The following DMD variants were observed in gnomAD, a reference collection of about 807,000 sequenced individuals.
DMD encodes the protein mutant dystrophin.
In DMD, 63 loss-of-function variants were observed where a neutral mutation model predicts 330.1. The observed-to-expected ratio is 0.19, with a 90% CI of 0.16 to 0.24. The LOEUF (loss-of-function observed/expected upper bound fraction) is 0.24. Among genes scored for constraint, DMD ranks in the 10% least tolerant of loss-of-function variants. The pLI is 1.00. For synonymous variants in DMD, 1,223 were observed against 959.8 expected (o/e 1.27, Z -5.07); for missense variants, 3,344 against 2,684.1 (o/e 1.25, Z -5.43).
intron 29 of DMD, among the ~76,000 whole-genome samples, chrX:32,414,193 T>C (rs1266667331): frequency 9.0e-6 from 1 of 111,690 alleles, no homozygotes; most frequent in African/African-American, 3.3e-5. Context: ...TGGCATAATC[T>C]CAATTCTGAC....
intron 1 of DMD, among the ~76,000 whole-genome samples, chrX:33,204,230 A>C (rs2051439930): frequency 8.9e-6 from 1 of 111,881 alleles, no homozygotes; most frequent in Non-Finnish European, 1.9e-5. Flanking sequence ...ATAAAGAGAA[A>C]AATAATTTCT....
chrX:32,539,202 G>A (rs746985783), intron 17 of DMD, among the ~76,000 whole-genome samples: 14 of 99,227 alleles, frequency 1.4e-4, no homozygotes, highest in African/African-American at 4.8e-4. Context: ...AAAAAATAGT[G>A]TCTAAAGCGA....
intron 1 of DMD, among the ~76,000 whole-genome samples, chrX:33,119,390 A>G (rs2095409786): frequency 8.9e-6 from 1 of 112,459 alleles, no homozygotes; most frequent in Non-Finnish European, 1.9e-5. Context: ...ATCCACCATC[A>G]ACTGAACCAT....
intron 61 of DMD, among the ~76,000 whole-genome samples, chrX:31,330,901 A>G (rs1025846855): frequency 8.9e-6 from 1 of 112,172 alleles, no homozygotes; most frequent in Non-Finnish European, 1.9e-5. Flanking sequence ...GTTAAATTTA[A>G]CACTTTTCAA....
At position 32,624,180 on chromosome X, in the gene DMD, T is replaced by C. The variant is rs779766536; in HGVS notation, c.1332-9727A>G. 5.3e-5 allele frequency among the ~76,000 whole-genome samples: 6 copies of C among 112,234 alleles called. No homozygotes were observed. In the East Asian group the frequency reaches 1.7e-3, roughly 32 times the overall value. On this transcript the variant is annotated intron_variant, in intron 11 of 78. Coordinates refer to ENST00000357033, the MANE Select transcript of DMD (RefSeq NM_004006.3). ...ATGTTTGCATTTTTCCAGGTTTCAT[T>C]TTATATCCTTCAAGTCGTCATTTAG...
chrX:31,256,239 T>G (rs2049946199), intron 63 of DMD, among the ~76,000 whole-genome samples: 1 of 112,426 alleles, frequency 8.9e-6, no homozygotes, highest in Admixed American at 9.4e-5. Context: ...TGATTTCCAG[T>G]TGCTTTTAGT....
chrX:32,715,749 C>G (rs2065655256), intron 7 of DMD, among the ~76,000 whole-genome samples: 1 of 110,628 alleles, frequency 9.0e-6, no homozygotes, highest in Non-Finnish European at 1.9e-5. Context: ...TGCAGTGAGC[C>G]ACTGCACTCC....
At chrX:33,104,256 A>G (rs2095266247) in intron 1 of DMD, among the ~76,000 whole-genome samples, 1 of 111,937 alleles carries the variant, frequency 8.9e-6, no homozygotes, top group Non-Finnish European at 1.9e-5. Flanking sequence ...ACGTTTTAAA[A>G]TAATAATGTA....
At position 32,614,363 on chromosome X, in the gene DMD, C is replaced by A. The variant is rs1602169021; in HGVS notation, c.1422G>T (p.Met474Ile). 2.5e-6 allele frequency: 3 copies of A among 1,208,253 alleles called. No homozygotes were observed. Among genetic ancestry groups the A allele is most frequent in the Non-Finnish European group, 3.4e-6 (3 of 893,519 alleles). The part of the protein sequence containing the change: ...LTKTEERTRK[M>I]EEEPLGPDLE... ...GATCAGGTCCAAGAGGCTCTTCCTC[C>A]ATTTTCCTTGTTCTTTCTTCTGTTT... is the stretch of plus-strand genomic sequence containing the variant. Residue 474 changes from methionine to isoleucine, a missense_variant, in exon 12 of 79, where the codon ATG (methionine) becomes ATT (isoleucine). By Grantham distance (10) the Met-to-Ile change is conservative. Transcript: ENST00000357033.
intron 7 of DMD, among the ~76,000 whole-genome samples, chrX:32,752,861 T>C (rs1290560553): frequency 9.0e-6 from 1 of 110,612 alleles, no homozygotes. Context: ...AAGCTTTCTT[T>C]GCCCTCTGTC....
intron 13 of DMD, among the ~76,000 whole-genome samples, chrX:32,593,237 T>C (rs2055137530): frequency 1.8e-5 from 2 of 112,436 alleles, no homozygotes; most frequent in Non-Finnish European, 3.8e-5. Flanking sequence ...CTTTATCCAT[T>C]TTCCTCCAAT....
In DMD at chrX:32,468,697, G is replaced by A; in HGVS notation, c.2963C>T (p.Ser988Phe). The change falls in exon 23 of 79, where the codon TCT becomes TTT. Residue 988 changes from serine (S) to phenylalanine (F), a missense_variant. By Grantham distance (155) the Ser-to-Phe change is radical. Transcript: ENST00000357033. ...TAGGCCACTTTGTTGCTCTTGCAGA[G>A]AACTTTGTAAAGCCTAAAAAACAAT... Reference protein sequence around the residue: ...RLGELQALQSSLQEQQSGLYY... With the variant: ...RLGELQALQSFLQEQQSGLYY... 1 of 1,209,690 alleles carries A rather than the reference G, an allele frequency of 8.3e-7. No homozygotes were observed. Among genetic ancestry groups the A allele is most frequent in the Non-Finnish European group, 1.1e-6 (1 of 894,292 alleles).
At chrX:32,603,060 T>C (rs148706226) in intron 12 of DMD, among the ~76,000 whole-genome samples, 182 of 111,395 alleles carry the variant, frequency 1.6e-3, no homozygotes, top group African/African-American at 5.8e-3. Flanking sequence ...CCACAGAATG[T>C]ACATTATTCT....
At chrX:32,829,391 C>A (rs1228098544) in intron 4 of DMD, among the ~76,000 whole-genome samples, 2 of 111,323 alleles carry the variant, frequency 1.8e-5, no homozygotes, top group African/African-American at 6.5e-5. Flanking sequence ...ATCAAGTTTT[C>A]CAGAATTTTG....
In DMD at chrX:32,844,775, C is replaced by G. The variant is rs1194016618; in HGVS notation, c.264+8G>C. Reference sequence around the variant, plus strand: ...CAGCATCCAGACCTTGTCCAGGGTACTACTTACATTATTGTTCTGCAAAAC... The same window carrying G: ...CAGCATCCAGACCTTGTCCAGGGTAGTACTTACATTATTGTTCTGCAAAAC... On this transcript the variant is annotated splice_region_variant and intron_variant, in intron 4 of 78. Transcript: ENST00000357033. 2 of 1,203,779 alleles carry G rather than the reference C, an allele frequency of 1.7e-6. No homozygotes were observed. The highest frequency in any genetic ancestry group is 2.3e-6 in the Non-Finnish European group (2 of 888,265).
intron 19 of DMD, among the ~76,000 whole-genome samples, chrX:32,493,366 T>C (rs1374629572): frequency 9.0e-6 from 1 of 111,688 alleles, no homozygotes. Flanking sequence ...TTTCCCCTCC[T>C]TCTTCCCTGA....
chrX:32,876,300 A>G lies in DMD; in HGVS notation c.94-26480T>C, dbSNP rs377590698. Among the ~76,000 whole-genome samples, 9 of 112,116 alleles carry G rather than the reference A, an allele frequency of 8.0e-5. No homozygotes were observed. The East Asian group carries it at 1.1e-3, about 14-fold the overall frequency. ...CTAGATACAAAATGTCAGTTATAAT[A>G]AACTCTAAAATGGTTTCTTCACCTA... On this transcript the variant is annotated intron_variant, in intron 2 of 78. Transcript: ENST00000357033.
At position 31,478,192 on chromosome X, in the gene DMD, G is replaced by A. The variant is rs760516307; in HGVS notation, c.8851C>T (p.Arg2951Cys). ...EATDELDLKL[R>C]QAEVIKGSWQ... Reference sequence around the variant, plus strand: ...GATCCCTTGATCACCTCAGCTTGGCGCAGCTTGAGGTCCAGCTCATCCGTG... The same window carrying A: ...GATCCCTTGATCACCTCAGCTTGGCACAGCTTGAGGTCCAGCTCATCCGTG... Residue 2951 changes from arginine to cysteine, a missense_variant, in exon 59 of 79, where the codon CGC (arginine) becomes TGC (cysteine). By Grantham distance (180) the Arg-to-Cys change is radical (BLOSUM62 -3). Transcript: ENST00000357033. 2.9e-5 allele frequency: 35 copies of A among 1,208,662 alleles called. No homozygotes were observed. Among genetic ancestry groups the A allele is most frequent in the East Asian group, 3.0e-5 (1 of 33,743 alleles).
chrX:31,332,607 G>C, intron 61 of DMD, among the ~76,000 whole-genome samples: 1 of 111,683 alleles, frequency 9.0e-6, no homozygotes, highest in Non-Finnish European at 1.9e-5. Context: ...CTATTCACTG[G>C]TGTCTGGAAC....
Sources: gnomAD v4.1 joint callset for allele counts (sites outside exome capture counted in the v4.1 genomes callset) on GRCh38, gnomAD v4.1.1 for gene constraint, MANE v1.5 for transcripts, NCBI Gene and HGNC (gene_info 2026-07-23, HGNC 2026-07-21) for gene names.